The following PTPRT variants were observed in gnomAD, a reference collection of about 807,000 sequenced individuals.
PTPRT encodes the protein protein tyrosine phosphatase receptor type T.
A neutral mutation model predicts 176.8 loss-of-function variants in PTPRT; 56 were observed. The observed-to-expected ratio is 0.32, with a 90% CI of 0.26 to 0.40. The LOEUF (loss-of-function observed/expected upper bound fraction) is 0.40. PTPRT is among the 10% of genes least tolerant of loss of function. PTPRT has a pLI of 1.00. For missense variants in PTPRT, 1,540 were observed against 1,908.2 expected, an observed-to-expected ratio of 0.81 and a Z score of 3.60; for synonymous variants, 783 against 739.0, an observed-to-expected ratio of 1.06 and a Z score of -0.96.
At chr20:42,808,790 A>T (rs994248995) in intron 2 of PTPRT, among the ~76,000 whole-genome samples, 11 of 152,162 alleles carry the variant, frequency 7.2e-5, no homozygotes, top group African/African-American at 2.4e-4. Flanking sequence ...ATCCCTAAGT[A>T]TAAGGACCAC....
chr20:43,045,285 ATTT>A (rs1986785429), intron 1 of PTPRT, among the ~76,000 whole-genome samples: 1 of 152,064 alleles, frequency 6.6e-6, no homozygotes, highest in East Asian at 1.9e-4. Flanking sequence ...CCTTCAGTTA[ATTT>A]CATTAGAGCT....
intron 2 of PTPRT, among the ~76,000 whole-genome samples, chr20:42,808,468 C>T (rs1289236754): frequency 6.6e-6 from 1 of 152,082 alleles, no homozygotes; most frequent in Admixed American, 6.6e-5. Flanking sequence ...ACTATGACAG[C>T]ACAGAGGCAT....
At chr20:42,405,196 C>CT (rs572557403) in intron 9 of PTPRT, among the ~76,000 whole-genome samples, 1,474 of 144,646 alleles carry the variant, frequency 0.01, 29 homozygotes, top group African/African-American at 0.034. Flanking sequence ...TTTTTTTTTT[C>CT]TTTTTTTTTA....
At chr20:42,237,466 A>G (rs1227507021) in intron 14 of PTPRT, among the ~76,000 whole-genome samples, 1 of 152,242 alleles carries the variant, frequency 6.6e-6, no homozygotes, top group African/African-American at 2.4e-5. Flanking sequence ...TATAGCAGCC[A>G]CTGTGTAATG....
chr20:42,997,432 T>C (rs567437693), intron 1 of PTPRT, among the ~76,000 whole-genome samples: 1 of 152,230 alleles, frequency 6.6e-6, no homozygotes, highest in Non-Finnish European at 1.5e-5. Context: ...AGAGGCACAC[T>C]TGAGAGAAAC....
chr20:42,878,803 C>A (rs141277078), intron 2 of PTPRT, among the ~76,000 whole-genome samples: 7 of 151,924 alleles, frequency 4.6e-5, no homozygotes, highest in African/African-American at 1.7e-4. Flanking sequence ...CCGAGGTGGG[C>A]GGATCATGAG....
rs560086450 is a variant in PTPRT, at chr20:42,074,899, C to T, written c.*5980G>A. 1 of 398,572 alleles carries T rather than the reference C, an allele frequency of 2.5e-6. No individual in the cohort carries two copies. The highest frequency in any genetic ancestry group is 2.1e-5 in the African/African-American group (1 of 48,758). The allele number at this position is 398,572 out of a possible 1,614,324, so 24.7% of individuals were successfully genotyped here. A position where few individuals can be genotyped will look rare whatever the true frequency, so the allele number is the denominator to read the frequency against. ...TACTAAAAAACTAGAAGAGTCTGCT[C>T]ATGTGCACAAATATGGCTTAGATAT... On this transcript the variant is annotated 3_prime_UTR_variant, in exon 31 of 31. Coordinates refer to ENST00000373187, the MANE Select transcript of PTPRT (RefSeq NM_007050.6).
At chr20:42,631,616 G>C (rs1440021029) in intron 7 of PTPRT, among the ~76,000 whole-genome samples, 1 of 152,202 alleles carries the variant, frequency 6.6e-6, no homozygotes, top group African/African-American at 2.4e-5. Flanking sequence ...GCTGGAATGT[G>C]AGTTGTCCTG....
chr20:42,901,566 G>A (rs934859755), intron 1 of PTPRT, among the ~76,000 whole-genome samples: 1 of 152,080 alleles, frequency 6.6e-6, no homozygotes, highest in African/African-American at 2.4e-5. Flanking sequence ...GTCCCCCACG[G>A]TCTCTGTCTT....
chr20:42,961,679 T>A (rs1171411070), intron 1 of PTPRT, among the ~76,000 whole-genome samples: 1 of 151,974 alleles, frequency 6.6e-6, no homozygotes, highest in Non-Finnish European at 1.5e-5. Flanking sequence ...CAGGGAGGGG[T>A]ACTGTGGTCA....
chr20:42,125,881 C>T (rs1337008636), intron 19 of PTPRT, among the ~76,000 whole-genome samples: 1 of 152,056 alleles, frequency 6.6e-6, no homozygotes, highest in East Asian at 1.9e-4. Context: ...GCATGCCAGA[C>T]CCTGTGTGGC....
chr20:43,053,796 C>G (rs1043471416), intron 1 of PTPRT, among the ~76,000 whole-genome samples: 1 of 152,166 alleles, frequency 6.6e-6, no homozygotes, highest in Non-Finnish European at 1.5e-5. Flanking sequence ...CGCTATAACC[C>G]CATGAACTAG....
intron 11 of PTPRT, among the ~76,000 whole-genome samples, chr20:42,336,636 T>C (rs570547350): frequency 1.4e-4 from 22 of 152,164 alleles, no homozygotes; most frequent in Non-Finnish European, 3.2e-4. Flanking sequence ...TTCCTGGGGA[T>C]TTTTGCTATT....
chr20:42,547,909 T>C (rs1278837194), intron 7 of PTPRT, among the ~76,000 whole-genome samples: 1 of 151,978 alleles, frequency 6.6e-6, no homozygotes, highest in African/African-American at 2.4e-5. Context: ...AGAAAATCAA[T>C]AGCATTTTTC....
At chr20:42,393,931 G>A (rs2058824800) in intron 9 of PTPRT, among the ~76,000 whole-genome samples, 1 of 152,084 alleles carries the variant, frequency 6.6e-6, no homozygotes, top group African/African-American at 2.4e-5. Context: ...GGAAGACTAC[G>A]GCTTCCTATA....
rs775414208 is a variant in PTPRT at position 42,885,774 on chromosome 20, C to T, written c.214+33G>A. The T allele has an allele frequency of 4.4e-6, 7 of 1,586,454 alleles. No individual in the cohort carries two copies. In the Admixed American group the frequency reaches 1.0e-4, roughly 23 times the overall value. Reference sequence around the variant, plus strand: ...GATTCACGGTAAAAACTAGCCATCCCCATTACAGCCCCAAACATGATGGAT... The same window carrying T: ...GATTCACGGTAAAAACTAGCCATCCTCATTACAGCCCCAAACATGATGGAT... On this transcript the variant is annotated intron_variant, in intron 2 of 30. Transcript: ENST00000373187.
chr20:43,017,821 C>G (rs1233248529), intron 1 of PTPRT, among the ~76,000 whole-genome samples: 1 of 152,226 alleles, frequency 6.6e-6, no homozygotes, highest in Admixed American at 6.5e-5. Flanking sequence ...GCTGAAGTCA[C>G]ACGCCATGGA....
At chr20:42,426,962 C>T (rs1342218567) in intron 9 of PTPRT, among the ~76,000 whole-genome samples, 1 of 152,150 alleles carries the variant, frequency 6.6e-6, no homozygotes, top group Non-Finnish European at 1.5e-5. Context: ...GAGGTCAGTG[C>T]AGACAGATTT....
chr20:42,397,095 A>G (rs1229865656), intron 9 of PTPRT, among the ~76,000 whole-genome samples: 1 of 152,212 alleles, frequency 6.6e-6, no homozygotes, highest in Admixed American at 6.5e-5. Context: ...GCACTCAACT[A>G]GAACATAAGC....
Sources: gnomAD v4.1 joint callset for allele counts (sites outside exome capture counted in the v4.1 genomes callset) on GRCh38, gnomAD v4.1.1 for gene constraint, MANE v1.5 for transcripts, NCBI Gene and HGNC (gene_info 2026-07-23, HGNC 2026-07-21) for gene names.